The following RPTOR variants were observed in gnomAD, a reference collection of about 807,000 sequenced individuals.
RPTOR encodes the protein regulatory associated protein of MTOR complex 1.
In RPTOR, 21 loss-of-function variants were observed where a neutral mutation model predicts 169.9. The observed-to-expected ratio is 0.12, with a 90% CI of 0.09 to 0.18. The LOEUF is 0.18. Ranked by LOEUF, RPTOR falls within the 10% of genes least tolerant of loss-of-function variation. The probability of loss-of-function intolerance (pLI) is 1.00; values close to 1 mark genes in which losing one functional copy is unlikely to be tolerated. For missense variants in RPTOR, 1,133 were observed against 1,855.9 expected (o/e 0.61, Z 7.16); for synonymous variants, 732 against 753.2 (o/e 0.97, Z 0.46).
Position 80,730,438 on chromosome 17 carries a change from TA to T in RPTOR, c.508-120del. 9.2e-7 allele frequency: 1 copy of T among 1,083,516 alleles called. No individual in the cohort carries two copies. The highest frequency in any genetic ancestry group is 1.4e-6 in the Non-Finnish European group (1 of 735,100). The allele number at this position is 1,083,516 out of a possible 1,614,324, so 67.1% of individuals were successfully genotyped here. On this transcript the variant is annotated intron_variant, in intron 4 of 33. Transcript: ENST00000306801. The surrounding 1 kb of genome is among the most constrained non-coding windows in gnomAD (Gnocchi z 4.2). ...GTTTTTTATAGTTTTGTATAAAGGC[TA>T]ACTCAGCGTCTCTCCAGCCACCAGG... is the stretch of plus-strand genomic sequence containing the variant.
intron 1 of RPTOR, among the ~76,000 whole-genome samples, chr17:80,557,540 A>ATCAT (rs981001473): frequency 2.0e-5 from 3 of 151,798 alleles, no homozygotes; most frequent in Admixed American, 2.0e-4. Context: ...AACTCAATAA[A>ATCAT]TCAATAAATA....
In RPTOR at chr17:80,848,506, C is replaced by T. The variant is rs142962120; in HGVS notation, c.1314+1932C>T. 2.6e-3 allele frequency among the ~76,000 whole-genome samples: 400 copies of T among 152,362 alleles called. 3 individuals carry two copies. Among genetic ancestry groups the T allele is most frequent in the African/African-American group, 9.1e-3 (378 of 41,588 alleles). ...CAAGAACACGCAGTGATAGCAGCAA[C>T]GCAACCAAACAACATTTGACAGAAG... On this transcript the variant is annotated intron_variant, in intron 11 of 33. Transcript: ENST00000306801.
chr17:80,838,690 G>A (rs1379682723), intron 10 of RPTOR, among the ~76,000 whole-genome samples: 1 of 152,230 alleles, frequency 6.6e-6, no homozygotes, highest in African/African-American at 2.4e-5. Flanking sequence ...GCAGACACGG[G>A]GAGGCCAGGG....
At chr17:80,802,522 G>A (rs1312677748) in intron 7 of RPTOR, 2 of 152,198 alleles carry the variant, frequency 1.3e-5, no homozygotes, top group Admixed American at 6.5e-5. Flanking sequence ...CCCAGGAAGC[G>A]GAGGTTGCAG....
intron 28 of RPTOR, among the ~76,000 whole-genome samples, chr17:80,956,934 C>T (rs1390568582): frequency 6.6e-6 from 1 of 152,186 alleles, no homozygotes; most frequent in East Asian, 1.9e-4. Flanking sequence ...CTGCTCCGAA[C>T]AGTGGACACC....
intron 3 of RPTOR, among the ~76,000 whole-genome samples, chr17:80,698,666 A>G (rs1304616057): frequency 6.6e-6 from 1 of 152,202 alleles, no homozygotes; most frequent in Non-Finnish European, 1.5e-5. Context: ...ATTTCTATAG[A>G]CAAATGTGCC....
At chr17:80,594,682 C>A (rs1220585490) in intron 1 of RPTOR, among the ~76,000 whole-genome samples, 2 of 152,292 alleles carry the variant, frequency 1.3e-5, no homozygotes, top group East Asian at 3.9e-4. Context: ...GCAGAGAGAA[C>A]CAGCCATTAC....
chr17:80,553,962 G>T (rs754205078), intron 1 of RPTOR, among the ~76,000 whole-genome samples: 2 of 152,080 alleles, frequency 1.3e-5, no homozygotes, highest in East Asian at 3.9e-4. Context: ...GGCTGGTCTC[G>T]AACTCCTGAC....
At chr17:80,566,114 G>C (rs546082329) in intron 1 of RPTOR, among the ~76,000 whole-genome samples, 4 of 152,334 alleles carry the variant, frequency 2.6e-5, no homozygotes, top group African/African-American at 9.6e-5. Flanking sequence ...CTCTCTACCT[G>C]TCTGCTCCTG....
At chr17:80,859,693 C>A (rs147252194) in intron 13 of RPTOR, among the ~76,000 whole-genome samples, 2 of 152,208 alleles carry the variant, frequency 1.3e-5, no homozygotes, top group African/African-American at 4.8e-5. Flanking sequence ...ACGTTCCCCC[C>A]GGACTTCGGC....
rs765318427 is a variant in RPTOR at position 80,885,086 on chromosome 17, G to A, written c.1921G>A (p.Asp641Asn). The stretch of plus-strand genomic sequence containing the variant: ...GAGGACGGACCACTCCACCACCATC[G>A]ACCACAACGTGGCCATGATGCTGGC... ...AERTDHSTTI[D>N]HNVAMMLAQL... is the part of the protein sequence containing the mutation. Residue 641 changes from aspartate (D) to asparagine (N), a missense_variant, in exon 17 of 34, where the codon GAC becomes AAC. Physicochemically the swap from Asp to Asn is conservative, Grantham distance 23. Around this residue, in one of 9 missense-constraint regions of RPTOR, gnomAD observed 289 missense variants for 585.8 expected, o/e 0.49. Transcript: ENST00000306801. 4.9e-5 allele frequency: 79 copies of A among 1,597,842 alleles called. No homozygotes were observed. Among genetic ancestry groups the A allele is most frequent in the Non-Finnish European group, 6.1e-5 (71 of 1,173,338 alleles).
intron 5 of RPTOR, among the ~76,000 whole-genome samples, chr17:80,743,024 T>C (rs1215892821): frequency 6.6e-6 from 1 of 152,178 alleles, no homozygotes; most frequent in Admixed American, 6.5e-5. Flanking sequence ...TAATTGGTGT[T>C]TGTTTTAGAA....
rs1304582159 is a variant in RPTOR, at chr17:80,754,583, T to C, written c.830+398T>C. Among the ~76,000 whole-genome samples, 1 of 152,230 alleles carries C rather than the reference T, an allele frequency of 6.6e-6. No homozygotes were observed. The highest frequency in any genetic ancestry group is 2.4e-5 in the African/African-American group (1 of 41,452). The stretch of plus-strand genomic sequence containing the variant: ...CTTGAGTTGAAGCGTAATCTTTCAA[T>C]GTATTTTTAGCAATGAAAAAAGAGC... On this transcript the variant is annotated intron_variant, in intron 6 of 33. Coordinates refer to ENST00000306801, the MANE Select transcript of RPTOR (RefSeq NM_020761.3). This position sits in a 1 kb window ranked among gnomAD's most constrained non-coding sequence, Gnocchi z 4.2.
At chr17:80,811,114 G>A (rs2067267820) in intron 7 of RPTOR, among the ~76,000 whole-genome samples, 1 of 152,190 alleles carries the variant, frequency 6.6e-6, no homozygotes, top group African/African-American at 2.4e-5. Flanking sequence ...CCAGTATAAT[G>A]TTAAATGGAC....
chr17:80,743,782 G>GTCCTGGTTACTAGCAC (rs2066514894), intron 5 of RPTOR, among the ~76,000 whole-genome samples: 32 of 55,784 alleles, frequency 5.7e-4, no homozygotes, highest in Admixed American at 2.1e-3. Flanking sequence ...GTTACTAGCA[G>GTCCTGGTTACTAGCAC]AGCCCTGGCT....
chr17:80,857,634 G>A (rs2067868390), intron 12 of RPTOR, among the ~76,000 whole-genome samples, 156 bp from the exon 13 acceptor site: 1 of 152,208 alleles, frequency 6.6e-6, no homozygotes, highest in African/African-American at 2.4e-5. Flanking sequence ...TAAATCTGGA[G>A]GAAGCCCCTC....
At chr17:80,869,824 G>A (rs1418849188) in intron 13 of RPTOR, among the ~76,000 whole-genome samples, 2 of 152,174 alleles carry the variant, frequency 1.3e-5, no homozygotes, top group East Asian at 3.8e-4. Context: ...AGGGGATCAG[G>A]GGGCAGAAAG....
intron 3 of RPTOR, among the ~76,000 whole-genome samples, chr17:80,679,412 C>T (rs548245941): frequency 6.6e-6 from 1 of 152,348 alleles, no homozygotes; most frequent in East Asian, 1.9e-4. Flanking sequence ...CATTCCTCAC[C>T]TCGTAGAAAA....
At chr17:80,716,833 C>A (rs2066243196) in intron 4 of RPTOR, among the ~76,000 whole-genome samples, 1 of 152,128 alleles carries the variant, frequency 6.6e-6, no homozygotes, top group Admixed American at 6.5e-5. Context: ...GGTGTCTTTT[C>A]CCCACTTTAT....
Sources: allele counts gnomAD v4.1 joint callset (sites outside exome capture counted in the v4.1 genomes callset), GRCh38; gene constraint gnomAD v4.1.1; regional missense constraint gnomAD v4.1.1; non-coding constraint Gnocchi (gnomAD v3.1); transcripts MANE v1.5; gene names NCBI Gene and HGNC (gene_info 2026-07-23, HGNC 2026-07-21).